The following TNFRSF11B variants were observed in gnomAD, a reference collection of about 807,000 sequenced individuals.
The protein encoded by TNFRSF11B is TNF receptor superfamily member 11b, also known as tumor necrosis factor receptor superfamily member 11B.
TNFRSF11B carries 16 observed loss-of-function variants against 43.4 expected under a neutral mutation model. That is an observed-to-expected ratio of 0.37 (90% CI 0.25 to 0.56). The LOEUF is 0.56. TNFRSF11B is among the 20% of genes least tolerant of loss of function. TNFRSF11B has a pLI of 0.80. For synonymous variants in TNFRSF11B, 185 were observed against 181.8 expected (o/e 1.02, Z -0.14); for missense variants, 444 against 490.1 (o/e 0.91, Z 0.89).
intron 2 of TNFRSF11B, 64 bp from the exon 3 acceptor site, chr8:118,928,993 T>A: frequency 6.8e-7 from 1 of 1,479,762 alleles, no homozygotes; most frequent in Non-Finnish European, 9.4e-7. Context: ...GATGCCCTCT[T>A]AACACAGTTT....
Position 118,926,642 on chromosome 8 carries a change from C to T in TNFRSF11B, c.669G>A (p.Leu223=), listed in dbSNP as rs547836403. 3.7e-6 allele frequency: 6 copies of T among 1,613,936 alleles called. No individual in the cohort carries two copies. The highest frequency in any genetic ancestry group is 5.1e-6 in the Non-Finnish European group (6 of 1,180,000). Residue 223 remains leucine (L), a synonymous_variant, in exon 4 of 5, where the codon TTG becomes TTA. Transcript: ENST00000297350. ...CTTTGGTGCCAGGCAAATTGTCTAC[C>T]AAGACACTAAGCCAGTTAGGCGTAA... is the stretch of plus-strand genomic sequence containing the variant. The part of the protein sequence containing the change: ...TKFTPNWLSV[L]VDNLPGTKVN...
chr8:118,924,247 C>A lies in TNFRSF11B; in HGVS notation c.*127G>T. The A allele has an allele frequency of 1.9e-6, 2 of 1,080,204 alleles. No homozygotes were observed. The highest frequency in any genetic ancestry group is 2.8e-6 in the Non-Finnish European group (2 of 711,850). 66.9% of individuals were successfully genotyped at this position (1,080,204 alleles called of 1,614,324 possible). On this transcript the variant is annotated 3_prime_UTR_variant, in exon 5 of 5. Transcript: ENST00000297350. ...CTCCACATCATAGTTTCTTTTAGTACCCTGTGGCAAAATTAGTCACTGGTA... is the reference window on the plus strand; with the variant it reads ...CTCCACATCATAGTTTCTTTTAGTAACCTGTGGCAAAATTAGTCACTGGTA...
In TNFRSF11B at chr8:118,931,122, T is replaced by C. The variant is rs748140704; in HGVS notation, c.400+1809A>G. Among the ~76,000 whole-genome samples, 124 of 152,252 alleles carry C rather than the reference T, an allele frequency of 8.1e-4. 1 individual carries two copies. The highest frequency in any genetic ancestry group is 1.1e-3 in the Non-Finnish European group (74 of 68,000). On this transcript the variant is annotated intron_variant, in intron 2 of 4. Transcript: ENST00000297350. ...TTCCACAGGAATTAACAGAATGAAG[T>C]AAATAAAATATGGAGAGGAGACAAT...
At chr8:118,936,038 CGT>C (rs1812402041) in intron 1 of TNFRSF11B, among the ~76,000 whole-genome samples, 1 of 152,042 alleles carries the variant, frequency 6.6e-6, no homozygotes, top group Admixed American at 6.5e-5. Context: ...TAGAAGAAGC[CGT>C]ATAAATACAG....
intron 1 of TNFRSF11B, among the ~76,000 whole-genome samples, chr8:118,938,807 A>G (rs1812439390): frequency 6.6e-6 from 1 of 152,258 alleles, no homozygotes; most frequent in Non-Finnish European, 1.5e-5. Context: ...ATCTTCCTAA[A>G]AAACAAAAGA....
chr8:118,936,897 GTTCT>G (rs1812413563), intron 1 of TNFRSF11B, among the ~76,000 whole-genome samples: 1 of 152,158 alleles, frequency 6.6e-6, no homozygotes, highest in Admixed American at 6.5e-5. Flanking sequence ...TTCTTTCTGT[GTTCT>G]TTCTTTCGTT....
chr8:118,941,408 T>C (rs950617559), intron 1 of TNFRSF11B, among the ~76,000 whole-genome samples: 3 of 152,214 alleles, frequency 2.0e-5, no homozygotes, highest in Non-Finnish European at 4.4e-5. Context: ...CTAGCCTTTT[T>C]CCTAGGCAAA....
intron 2 of TNFRSF11B, among the ~76,000 whole-genome samples, chr8:118,932,402 C>T (rs1011883981): frequency 2.0e-5 from 3 of 152,162 alleles, no homozygotes; most frequent in Admixed American, 6.5e-5. Flanking sequence ...CACTCAGCTC[C>T]CATGCTAAAG....
At position 118,951,813 on chromosome 8, in the gene TNFRSF11B, G is replaced by C. The variant is rs2073618; in HGVS notation, c.9C>G (p.Asn3Lys). MN[N>K]LLCCALVFLD... ...TTACCACGAGCGCGCAGCACAGCAA[G>C]TTGTTCATTGTGGTCCCCGGAAACC... The change falls in exon 1 of 5, where the codon AAC becomes AAG. Residue 3 changes from asparagine to lysine, a missense_variant. Coordinates refer to ENST00000297350, the MANE Select transcript of TNFRSF11B (RefSeq NM_002546.4). 0.49 allele frequency: 786,684 copies of C among 1,590,136 alleles called. 203,467 individuals are homozygous for C. The highest frequency in any genetic ancestry group is 0.87 in the African/African-American group (64,769 of 74,432).
intron 1 of TNFRSF11B, among the ~76,000 whole-genome samples, chr8:118,947,207 A>C (rs1178856680): frequency 6.6e-6 from 1 of 150,600 alleles, no homozygotes; most frequent in Non-Finnish European, 1.5e-5. Flanking sequence ...TTAGAAGTGA[A>C]CTATCTGGCA....
At position 118,924,364 on chromosome 8, in the gene TNFRSF11B, C is replaced by A. The variant is rs1386577281; in HGVS notation, c.*10G>T. The A allele has an allele frequency of 6.2e-7, 1 of 1,613,794 alleles. No homozygotes were observed. Among genetic ancestry groups the A allele is most frequent in the Non-Finnish European group, 8.5e-7 (1 of 1,179,992 alleles). ...CAATTGTGAGGAAACAGCTCAATGG[C>A]CATTTCCAGTTATAAGCAGCTTATT... On this transcript the variant is annotated 3_prime_UTR_variant, in exon 5 of 5. Transcript: ENST00000297350.
Position 118,924,214 on chromosome 8 carries a change from A to T in TNFRSF11B, c.*160T>A. On this transcript the variant is annotated 3_prime_UTR_variant, in exon 5 of 5. Transcript: ENST00000297350. ...TTTGGGGTTTATTGGAGGAGATGTT[A>T]GTCCTTTCTCCACATCATAGTTTCT... is the stretch of plus-strand genomic sequence containing the variant. The T allele has an allele frequency of 1.4e-6, 1 of 722,934 alleles. No individual in the cohort carries two copies. Among genetic ancestry groups the T allele is most frequent in the Non-Finnish European group, 2.4e-6 (1 of 421,164 alleles). The allele number at this position is 722,934 out of a possible 1,614,324, so 44.8% of individuals were successfully genotyped here. A position where few individuals can be genotyped will look rare whatever the true frequency, so the allele number is the denominator to read the frequency against.
At position 118,933,178 on chromosome 8, in the gene TNFRSF11B, T is replaced by C; in HGVS notation, c.153A>G (p.Lys51=). Residue 51 remains lysine (K), a synonymous_variant, in exon 2 of 5, where the codon AAA becomes AAG. Transcript: ENST00000297350. ...CDKCPPGTYL[K]QHCTAKWKTV... ...TCTTCCACTTTGCTGTACAGTGTTG[T>C]TTTAGGTAGGTACCAGGAGGACATT... 6.2e-7 allele frequency: 1 copy of C among 1,614,146 alleles called. No individual in the cohort carries two copies. The highest frequency in any genetic ancestry group is 8.5e-7 in the Non-Finnish European group (1 of 1,180,034).
rs145405119 is a variant in TNFRSF11B at position 118,942,711 on chromosome 8, G to A, written c.30+9081C>T. On this transcript the variant is annotated intron_variant, in intron 1 of 4. Coordinates refer to ENST00000297350, the MANE Select transcript of TNFRSF11B (RefSeq NM_002546.4). ...TCCCCATTTTACATATAAAGAAACC[G>A]AATCTCAAAGAAGTTGAGTGACTTT... Among the ~76,000 whole-genome samples the A allele has an allele frequency of 2.5e-4, 38 of 152,108 alleles. No homozygotes were observed. The East Asian group carries it at 4.4e-3, about 18-fold the overall frequency.
In TNFRSF11B at chr8:118,933,292, G is replaced by A. The variant is rs1454504148; in HGVS notation, c.39C>T (p.Asp13=). 3.1e-6 allele frequency: 5 copies of A among 1,613,574 alleles called. No individual in the cohort carries two copies. Among genetic ancestry groups the A allele is most frequent in the Middle Eastern group, 1.6e-4 (1 of 6,062 alleles). Residue 13 remains aspartate (D), a synonymous_variant, in exon 2 of 5, where the codon GAC becomes GAT. Transcript: ENST00000297350. The stretch of plus-strand genomic sequence containing the variant: ...CCTGGGTGGTCCACTTAATGGAGAT[G>A]TCCAGAAACTAGAAGGAGAAAGGAA... ...NLLCCALVFL[D]ISIKWTTQET...
chr8:118,950,712 A>G (rs1812630971), intron 1 of TNFRSF11B, among the ~76,000 whole-genome samples: 1 of 152,168 alleles, frequency 6.6e-6, no homozygotes, highest in East Asian at 1.9e-4. Flanking sequence ...ATACATACAT[A>G]TATATTTTAA....
intron 1 of TNFRSF11B, among the ~76,000 whole-genome samples, chr8:118,947,766 T>C (rs1404294429): frequency 6.6e-6 from 1 of 152,222 alleles, no homozygotes; most frequent in Non-Finnish European, 1.5e-5. Flanking sequence ...TCTAGCAACA[T>C]TTGTTCACCA....
intron 2 of TNFRSF11B, among the ~76,000 whole-genome samples, chr8:118,931,142 G>A (rs754680038): frequency 1.1e-4 from 17 of 152,144 alleles, no homozygotes; most frequent in Non-Finnish European, 2.4e-4. Flanking sequence ...ATGGAGAGGA[G>A]ACAATCTGAT....
At chr8:118,933,412 A>G in intron 1 of TNFRSF11B, 112 bp from the exon 2 acceptor site, 1 of 1,521,028 alleles carries the variant, frequency 6.6e-7, no homozygotes, top group Non-Finnish European at 9.0e-7. Context: ...GCCTAATGAG[A>G]TTTGCCACAA....
Sources: gnomAD v4.1 joint callset for allele counts (sites outside exome capture counted in the v4.1 genomes callset) on GRCh38, gnomAD v4.1.1 for gene constraint, MANE v1.5 for transcripts, NCBI Gene and HGNC (gene_info 2026-07-23, HGNC 2026-07-21) for gene names.